Variants in HOXD1 observed in about 807,000 individuals in gnomAD.
HOXD1 encodes the protein homeobox D1.
In HOXD1, 17 loss-of-function variants were observed where a neutral mutation model predicts 19.9. The ratio of observed to expected loss-of-function variants is 0.85; its 90% CI spans 0.58 to 1.28. The LOEUF is 1.28. Among genes scored for constraint, HOXD1 ranks in the 50% most tolerant of loss-of-function variants. HOXD1 has a pLI of 0.00. For missense variants in HOXD1, 500 were observed against 460.1 expected, an observed-to-expected ratio of 1.09 and a Z score of -0.79; for synonymous variants, 239 against 216.0, an observed-to-expected ratio of 1.11 and a Z score of -0.93.
At position 176,189,201 on chromosome 2, in the gene HOXD1, T is replaced by TA; in HGVS notation, c.401dup (p.Tyr134Ter). Residue 134 changes from tyrosine (Y) to a stop codon, truncating the protein, a stop_gained and frameshift_variant, in exon 1 of 2, where the codon TAC (tyrosine) becomes TAAC (stop). Coordinates refer to ENST00000331462, the MANE Select transcript of HOXD1 (RefSeq NM_024501.3). LOFTEE classifies it high-confidence loss of function. ...CGACGACGGCGGGTCTCACGTCCAC[T>TA]ACGCCACCTCGGCCGTCTTCTCGGG... is the stretch of plus-strand genomic sequence containing the variant. The part of the protein sequence containing the change: ...AADDGGSHVH[Y>*]ATSAVFSGGG... The TA allele has an allele frequency of 6.3e-7, 1 of 1,581,542 alleles. No homozygotes were observed. Among genetic ancestry groups the TA allele is most frequent in the Non-Finnish European group, 8.6e-7 (1 of 1,166,780 alleles).
rs780805243 is a variant in HOXD1 at position 176,188,902 on chromosome 2, C to T, written c.101C>T (p.Pro34Leu). The T allele has an allele frequency of 1.4e-5, 22 of 1,591,076 alleles. No homozygotes were observed. The highest frequency in any genetic ancestry group is 5.6e-5 in the South Asian group (5 of 89,096). Residue 34 changes from proline (P) to leucine (L), a missense_variant, in exon 1 of 2, where the codon CCC becomes CTC. Coordinates refer to ENST00000331462, the MANE Select transcript of HOXD1 (RefSeq NM_024501.3). Reference protein sequence around the residue: ...APKFCRSDARPVALQPAFPLG... With the variant: ...APKFCRSDARLVALQPAFPLG... ...AAGTTCTGCCGCTCCGACGCCCGGC[C>T]CGTGGCTCTGCAGCCCGCCTTCCCT...
chr2:176,188,687 A>C lies in HOXD1; in HGVS notation c.-115A>C. On this transcript the variant is annotated 5_prime_UTR_variant, in exon 1 of 2. Coordinates refer to ENST00000331462, the MANE Select transcript of HOXD1 (RefSeq NM_024501.3). ...TCACTCGCCATGGGTTGGAGAGGGC[A>C]GCTCGGGTAGAGAGGGCTGGCGGAG... 9.2e-7 allele frequency: 1 copy of C among 1,089,554 alleles called. No homozygotes were observed. The highest frequency in any genetic ancestry group is 1.4e-6 in the Non-Finnish European group (1 of 736,698). 67.5% of individuals were successfully genotyped at this position (1,089,554 alleles called of 1,614,324 possible).
rs142635639 is a variant in HOXD1 at position 176,189,839 on chromosome 2, C to G, written c.684C>G (p.Pro228=). The G allele has an allele frequency of 3.7e-6, 6 of 1,614,064 alleles. No homozygotes were observed. The Admixed American group carries it at 1.0e-4, about 27-fold the overall frequency. Residue 228 remains proline, a synonymous_variant, in exon 2 of 2, where the codon CCC becomes CCG. Coordinates refer to ENST00000331462, the MANE Select transcript of HOXD1 (RefSeq NM_024501.3). ...GKLAEYGAAS[P]SSAIRTNFST... is the part of the protein sequence containing the mutation. ...TCGCCGAGTATGGGGCCGCTAGCCC[C>G]TCCAGCGCGATCCGCACGAATTTCA...
Position 176,188,999 on chromosome 2 carries a change from G to C in HOXD1, c.198G>C (p.Pro66=). 1 of 1,427,766 alleles carries C rather than the reference G, an allele frequency of 7.0e-7. No individual in the cohort carries two copies. The highest frequency in any genetic ancestry group is 9.1e-7 in the Non-Finnish European group (1 of 1,104,194). The allele number at this position is 1,427,766 out of a possible 1,614,324, so 88.4% of individuals were successfully genotyped here. The change falls in exon 1 of 2, where the codon CCG becomes CCC. Residue 66 remains proline (P), a synonymous_variant. Transcript: ENST00000331462. ...CCGCCCGACCCTCGCCTTCGCCCCC[G>C]GCCGCCCCCGCGCGGCCGTCCGTAC... ...LAAARPSPSP[P]AAPARPSVPP...
rs1260498640 is a variant in HOXD1, at chr2:176,189,667, G to T, written c.653-141G>T. The T allele has an allele frequency of 3.1e-6, 5 of 1,590,048 alleles. No individual in the cohort carries two copies. The South Asian group carries it at 5.7e-5, about 18-fold the overall frequency. On this transcript the variant is annotated intron_variant, in intron 1 of 1. Coordinates refer to ENST00000331462, the MANE Select transcript of HOXD1 (RefSeq NM_024501.3). The stretch of plus-strand genomic sequence containing the variant: ...AGAAAATTTCAGGAAGGAGCTCTCC[G>T]TGGAACTTCTCCTGGTACAAATTCT...
At position 176,189,120 on chromosome 2, in the gene HOXD1, G is replaced by C; in HGVS notation, c.319G>C (p.Gly107Arg). Residue 107 changes from glycine (G) to arginine (R), a missense_variant, in exon 1 of 2, where the codon GGC becomes CGC. Gly to Arg is a moderately radical substitution (Grantham distance 125, BLOSUM62 -2). Coordinates refer to ENST00000331462, the MANE Select transcript of HOXD1 (RefSeq NM_024501.3). Reference protein sequence around the residue: ...PAAAAGGADYGFLGSGPAYDF... With the variant: ...PAAAAGGADYRFLGSGPAYDF... The stretch of plus-strand genomic sequence containing the variant: ...CGCGGCAGCTGGGGGCGCGGACTAC[G>C]GCTTCCTGGGGTCCGGGCCGGCGTA... 1 of 1,557,914 alleles carries C rather than the reference G, an allele frequency of 6.4e-7. No homozygotes were observed. The highest frequency in any genetic ancestry group is 1.2e-5 in the South Asian group (1 of 83,502).
At chr2:176,189,764 TC>T in intron 1 of HOXD1, 43 bp from the exon 2 acceptor site, 1 of 1,610,954 alleles carries the variant, frequency 6.2e-7, no homozygotes, top group South Asian at 1.1e-5. Flanking sequence ...CCACATTCTG[TC>T]CCCGGCCTCA....
Position 176,190,262 on chromosome 2 carries a change from T to G in HOXD1, c.*120T>G. 1.5e-6 allele frequency: 1 copy of G among 668,128 alleles called. No individual in the cohort carries two copies. The highest frequency in any genetic ancestry group is 2.6e-6 in the Non-Finnish European group (1 of 381,726). The allele number at this position is 668,128 out of a possible 1,614,324, so 41.4% of individuals were successfully genotyped here. On this transcript the variant is annotated 3_prime_UTR_variant, in exon 2 of 2. Transcript: ENST00000331462. ...GGGAGAACAAAAATGAATAGGGATT[T>G]CACTTGGGAAATGAAGTACTTTAGT...
Position 176,190,091 on chromosome 2 carries a change from T to A in HOXD1, c.936T>A (p.Thr312=). Residue 312 remains threonine (T), a synonymous_variant, in exon 2 of 2, where the codon ACT becomes ACA. Transcript: ENST00000331462. ...TTCCCCTCTCTGGAACAACCCCCAC[T>A]AAGTTTATCAAGAACCCCGGCAGCC... ...LQLPLSGTTP[T]KFIKNPGSPS... is the part of the protein sequence containing the mutation. 6.2e-7 allele frequency: 1 copy of A among 1,613,792 alleles called. No individual in the cohort carries two copies. Among genetic ancestry groups the A allele is most frequent in the Non-Finnish European group, 8.5e-7 (1 of 1,179,848 alleles).
chr2:176,189,004 C>A lies in HOXD1; in HGVS notation c.203C>A (p.Ala68Asp). Residue 68 changes from alanine (A) to aspartate (D), a missense_variant, in exon 1 of 2, where the codon GCC (alanine) becomes GAC (aspartate). Coordinates refer to ENST00000331462, the MANE Select transcript of HOXD1 (RefSeq NM_024501.3). ...CGACCCTCGCCTTCGCCCCCGGCCG[C>A]CCCCGCGCGGCCGTCCGTACCGCCT... ...AARPSPSPPA[A>D]PARPSVPPPA... 1 of 1,422,118 alleles carries A rather than the reference C, an allele frequency of 7.0e-7. No homozygotes were observed. The highest frequency in any genetic ancestry group is 1.5e-5 in the African/African-American group (1 of 66,298). 88.1% of individuals were successfully genotyped at this position (1,422,118 alleles called of 1,614,324 possible).
In HOXD1 at chr2:176,189,097, C is replaced by T. The variant is rs1691732898; in HGVS notation, c.296C>T (p.Ala99Val). Residue 99 changes from alanine to valine, a missense_variant, in exon 1 of 2, where the codon GCG (alanine) becomes GTG (valine). Transcript: ENST00000331462. ...GAYEPGAAPA[A>V]AAGGADYGFL... ...TACGAACCTGGTGCCGCACCTGCCG[C>T]GGCAGCTGGGGGCGCGGACTACGGC... 10 of 1,519,534 alleles carry T rather than the reference C, an allele frequency of 6.6e-6. 1 individual carries two copies. Among genetic ancestry groups the T allele is most frequent in the Non-Finnish European group, 7.9e-6 (9 of 1,142,302 alleles). The allele number at this position is 1,519,534 out of a possible 1,614,324, so 94.1% of individuals were successfully genotyped here.
Position 176,188,829 on chromosome 2 carries a change from T to TGCA in HOXD1, c.37_39dup (p.Ser13dup). Reference sequence around the variant, plus strand: ...GAGCTCCTACCTGGAGTACGTGTCATGCAGCAGCAGCGGCGGGGTCGGCGG... The same window carrying TGCA: ...GAGCTCCTACCTGGAGTACGTGTCATGCAGCAGCAGCAGCGGCGGGGTCGGCGG... On this transcript the variant is annotated inframe_insertion, in exon 1 of 2. Coordinates refer to ENST00000331462, the MANE Select transcript of HOXD1 (RefSeq NM_024501.3). The TGCA allele has an allele frequency of 6.2e-7, 1 of 1,608,938 alleles. No homozygotes were observed. Among genetic ancestry groups the TGCA allele is most frequent in the Non-Finnish European group, 8.5e-7 (1 of 1,178,280 alleles).
chr2:176,189,059 C>A lies in HOXD1; in HGVS notation c.258C>A (p.Thr86=). The A allele has an allele frequency of 6.8e-7, 1 of 1,473,852 alleles. No individual in the cohort carries two copies. Among genetic ancestry groups the A allele is most frequent in the South Asian group, 1.4e-5 (1 of 71,980 alleles). 91.3% of individuals were successfully genotyped at this position (1,473,852 alleles called of 1,614,324 possible). Residue 86 remains threonine, a synonymous_variant, in exon 1 of 2, where the codon ACC becomes ACA. Transcript: ENST00000331462. ...PPAAPQYAQC[T]LEGAYEPGAA... ...CCGCGCCCCAGTACGCGCAGTGCAC[C>A]CTGGAGGGGGCCTACGAACCTGGTG...
At chr2:176,189,730 A>G (rs1288800664) in intron 1 of HOXD1, 78 bp from the exon 2 acceptor site, 1 of 1,612,164 alleles carries the variant, frequency 6.2e-7, no homozygotes, top group East Asian at 2.2e-5. Context: ...TGGGACTTTG[A>G]TTCTAACTAG....
At position 176,189,567 on chromosome 2, in the gene HOXD1, T is replaced by C. The variant is rs748463271; in HGVS notation, c.652+114T>C. 6 of 1,587,512 alleles carry C rather than the reference T, an allele frequency of 3.8e-6. No individual in the cohort carries two copies. In the South Asian group the frequency reaches 5.7e-5, roughly 15 times the overall value. On this transcript the variant is annotated intron_variant, in intron 1 of 1. Transcript: ENST00000331462. ...TTTCCAGACAGCGGTTTGGGTTTTG[T>C]GGAGGAGACGCGTTCCCGGGCGAAT...
In HOXD1 at chr2:176,190,147, G is replaced by A. The variant is rs548649172; in HGVS notation, c.*5G>A. On this transcript the variant is annotated 3_prime_UTR_variant, in exon 2 of 2. Transcript: ENST00000331462. ...CAGTCCCAAGAGCCTTCGTGAGGCC[G>A]GTACTTGGGGCCGAAAAACTGTGGC... is the stretch of plus-strand genomic sequence containing the variant. 1.3e-6 allele frequency: 2 copies of A among 1,571,296 alleles called. No homozygotes were observed. The highest frequency in any genetic ancestry group is 1.2e-5 in the South Asian group (1 of 84,538).
At position 176,189,249 on chromosome 2, in the gene HOXD1, G is replaced by T. The variant is rs764954489; in HGVS notation, c.448G>T (p.Gly150Cys). The T allele has an allele frequency of 1.3e-6, 2 of 1,597,798 alleles. No homozygotes were observed. The highest frequency in any genetic ancestry group is 1.7e-5 in the Admixed American group (1 of 58,292). Residue 150 changes from glycine to cysteine, a missense_variant, in exon 1 of 2, where the codon GGC becomes TGC. Coordinates refer to ENST00000331462, the MANE Select transcript of HOXD1 (RefSeq NM_024501.3). ...FSGGGSFLLS[G>C]QVDYAAFGEP... is the part of the protein sequence containing the mutation. Reference sequence around the variant, plus strand: ...GGGCGGCGGCTCTTTCCTCCTCAGCGGCCAGGTGGATTACGCGGCCTTCGG... The same window carrying T: ...GGGCGGCGGCTCTTTCCTCCTCAGCTGCCAGGTGGATTACGCGGCCTTCGG...
chr2:176,189,939 A>G lies in HOXD1; in HGVS notation c.784A>G (p.Ile262Val). The change falls in exon 2 of 2, where the codon ATA becomes GTA. Residue 262 changes from isoleucine to valine, a missense_variant. Physicochemically the swap from Ile to Val is conservative, Grantham distance 29. Transcript: ENST00000331462. ...KYLTRARRIE[I>V]ANCLHLNDTQ... ...CTTAACTCGAGCCCGGCGCATCGAG[A>G]TAGCCAACTGCTTGCACCTGAATGA... 1.2e-6 allele frequency: 2 copies of G among 1,614,184 alleles called. No individual in the cohort carries two copies. Among genetic ancestry groups the G allele is most frequent in the African/African-American group, 1.3e-5 (1 of 75,058 alleles).
Position 176,188,991 on chromosome 2 carries a change from T to TCGCCCCCGGC in HOXD1, c.199_208dup (p.Ala70GlyfsTer150), listed in dbSNP as rs1378383855. ...CCTGGCCGCCGCCCGACCCTCGCCT[T>TCGCCCCCGGC]CGCCCCCGGCCGCCCCCGCGCGGCC... On this transcript the variant is annotated frameshift_variant, in exon 1 of 2. Coordinates refer to ENST00000331462, the MANE Select transcript of HOXD1 (RefSeq NM_024501.3). LOFTEE classifies it high-confidence loss of function. 1.4e-5 allele frequency: 20 copies of TCGCCCCCGGC among 1,449,874 alleles called. No homozygotes were observed. The highest frequency in any genetic ancestry group is 1.2e-5 in the Non-Finnish European group (13 of 1,112,056). The allele number at this position is 1,449,874 out of a possible 1,614,324, so 89.8% of individuals were successfully genotyped here. A position where few individuals can be genotyped will look rare whatever the true frequency, so the allele number is the denominator to read the frequency against.
Sources: allele counts gnomAD v4.1 joint callset, GRCh38; gene constraint gnomAD v4.1.1; transcripts MANE v1.5; gene names NCBI Gene and HGNC (gene_info 2026-07-23, HGNC 2026-07-21).